Variants in RAD51B observed in about 807,000 individuals in gnomAD.
RAD51B encodes DNA repair protein RAD51 homolog 2.
A neutral mutation model predicts 42.2 loss-of-function variants in RAD51B; 38 were observed. The ratio of observed to expected loss-of-function variants is 0.90; its 90% confidence interval spans 0.70 to 1.18. RAD51B has a LOEUF of 1.18. Among genes scored for constraint, RAD51B ranks in the 50% most tolerant of loss-of-function variants. The pLI is 0.00. For synonymous variants in RAD51B, 154 were observed against 145.2 expected (o/e 1.06, Z -0.43); for missense variants, 373 against 400.7 (o/e 0.93, Z 0.59).
At chr14:67,826,849 C>T (rs770308425) in intron 3 of RAD51B, among the ~76,000 whole-genome samples, 19 of 151,906 alleles carry the variant, frequency 1.3e-4, no homozygotes, top group Admixed American at 1.3e-4. Context: ...TGCCCAACTA[C>T]GTTTTGTGTT....
At chr14:68,654,946 C>A (rs55767067) in intron 11 of RAD51B, among the ~76,000 whole-genome samples, 3 of 152,068 alleles carry the variant, frequency 2.0e-5, no homozygotes, top group Non-Finnish European at 4.4e-5. Context: ...CTCCCTCCCC[C>A]CCTGCCTTCC....
At chr14:68,680,808 C>T (rs959615337) in intron 11 of RAD51B, among the ~76,000 whole-genome samples, 9 of 152,024 alleles carry the variant, frequency 5.9e-5, no homozygotes, top group African/African-American at 1.9e-4. Flanking sequence ...GATACCTGAG[C>T]GTCGCAGTAA....
chr14:68,541,223 CCT>C (rs1887950346), intron 10 of RAD51B: 1 of 985,394 alleles, frequency 1.0e-6, no homozygotes, highest in East Asian at 1.1e-4. Flanking sequence ...CGTTCGGGCT[CCT>C]CTTTTCTTGA....
chr14:68,549,945 G>T (rs1888446374), intron 10 of RAD51B, among the ~76,000 whole-genome samples: 1 of 152,148 alleles, frequency 6.6e-6, no homozygotes, highest in Non-Finnish European at 1.5e-5. Flanking sequence ...AAGTTTTCCA[G>T]CTGTCCCCCA....
intron 7 of RAD51B, among the ~76,000 whole-genome samples, chr14:67,927,146 C>T (rs1323860679): frequency 6.6e-6 from 1 of 152,148 alleles, no homozygotes; most frequent in Non-Finnish European, 1.5e-5. Context: ...ATAAGATATA[C>T]TGTTGACTTT....
chr14:67,942,129 C>T (rs1046614682), intron 7 of RAD51B, among the ~76,000 whole-genome samples: 4 of 152,124 alleles, frequency 2.6e-5, no homozygotes, highest in African/African-American at 9.7e-5. Context: ...AATAAAGTCT[C>T]TCATATAATT....
intron 7 of RAD51B, among the ~76,000 whole-genome samples, chr14:68,192,600 A>C (rs918659954): frequency 6.6e-6 from 1 of 152,176 alleles, no homozygotes; most frequent in East Asian, 1.9e-4. Flanking sequence ...AGACTTTCCT[A>C]TCCAGAATTC....
Position 68,486,316 on chromosome 14 carries a change from G to C in RAD51B, c.1036+18066G>C, listed in dbSNP as rs1883618344. On this transcript the variant is annotated intron_variant, in intron 10 of 10. Coordinates refer to the RAD51B transcript ENST00000487270. ...TGGGGTTCTAGTCAGTTCCTCCAGA[G>C]CACCTCCAGATCCCTGCCCATTCTA... Among the ~76,000 whole-genome samples the C allele has an allele frequency of 2.6e-5, 4 of 152,160 alleles. No individual in the cohort carries two copies. The South Asian group carries it at 8.3e-4, about 32-fold the overall frequency.
chr14:68,610,843 A>ATGTGTGTGTGTGTGTGTG (rs60173412), intron 10 of RAD51B, among the ~76,000 whole-genome samples: 43 of 144,994 alleles, frequency 3.0e-4, no homozygotes, highest in South Asian at 2.3e-3. Context: ...CTGAATGTAT[A>ATGTGTGTGTGTGTGTGTG]TGTGTGTGTG....
chr14:68,410,467 G>A (rs2084386899), intron 8 of RAD51B, among the ~76,000 whole-genome samples: 1 of 152,182 alleles, frequency 6.6e-6, no homozygotes, highest in Non-Finnish European at 1.5e-5. Flanking sequence ...CGCATCTGGA[G>A]GCAACAAGGC....
intron 10 of RAD51B, chr14:68,563,930 A>T (rs1458007529): frequency 3.1e-6 from 3 of 982,966 alleles, no homozygotes; most frequent in South Asian, 9.4e-5. Flanking sequence ...TAAAAATAAT[A>T]TTGGCCCTGA....
intron 7 of RAD51B, among the ~76,000 whole-genome samples, chr14:67,948,876 G>T (rs920125283): frequency 2.2e-5 from 3 of 136,298 alleles, no homozygotes; most frequent in African/African-American, 8.4e-5. Flanking sequence ...AGCTTGCAGT[G>T]AGCTGAGATC....
At chr14:68,430,472 G>T (rs1210789642) in intron 9 of RAD51B, among the ~76,000 whole-genome samples, 11 of 152,036 alleles carry the variant, frequency 7.2e-5, no homozygotes, top group South Asian at 4.2e-4. Context: ...ACATCCCTTG[G>T]AAGTTGGATT....
chr14:68,200,499 G>A (rs891674172), intron 7 of RAD51B, among the ~76,000 whole-genome samples: 1 of 152,124 alleles, frequency 6.6e-6, no homozygotes, highest in African/African-American at 2.4e-5. Flanking sequence ...AAATGCTGAG[G>A]AATATAATTT....
chr14:68,356,171 G>A lies in RAD51B; in HGVS notation c.854-55253G>A, dbSNP rs185785980. ...ATGTTGGCCGGGCGCGGTGGCTCAC[G>A]CCTGTAATCCCAGCACTTTGGGAGG... is the stretch of plus-strand genomic sequence containing the variant. On this transcript the variant is annotated intron_variant, in intron 8 of 10. Transcript: ENST00000471583. Among the ~76,000 whole-genome samples, 151 of 152,262 alleles carry A rather than the reference G, an allele frequency of 9.9e-4. 3 individuals carry two copies. The highest frequency in any genetic ancestry group is 7.1e-3 in the Admixed American group (109 of 15,300).
chr14:67,865,062 T>A lies in RAD51B; in HGVS notation c.375T>A (p.Ala125=), dbSNP rs543350867. The A allele has an allele frequency of 1.3e-6, 2 of 1,510,354 alleles. No homozygotes were observed. Among genetic ancestry groups the A allele is most frequent in the East Asian group, 2.7e-5 (1 of 36,884 alleles). 93.6% of individuals were successfully genotyped at this position (1,510,354 alleles called of 1,614,324 possible). The change falls in exon 5 of 11, where the codon GCT becomes GCA. Residue 125 remains alanine, a synonymous_variant. Transcript: ENST00000471583. ...TQFCIMMSIL[A]TLPTNMGGLE... ...TTTGTATAATGATGAGCATTTTGGC[T>A]ACATTACCCACCAACATGGGAGGAT...
intron 7 of RAD51B, among the ~76,000 whole-genome samples, chr14:68,145,716 A>G (rs947776661): frequency 4.6e-5 from 7 of 152,344 alleles, no homozygotes; most frequent in African/African-American, 9.6e-5. Context: ...ATTGTGATTC[A>G]TACATTTCCC....
chr14:68,504,651 TTTTTTTCTTTC>T (rs1163351397), intron 10 of RAD51B, among the ~76,000 whole-genome samples: 8 of 142,292 alleles, frequency 5.6e-5, no homozygotes, highest in African/African-American at 1.8e-4. Flanking sequence ...AGTAATCCTT[TTTTTTTCTTTC>T]TTTTTTTTTT....
chr14:68,438,498 G>T (rs1321330831), intron 9 of RAD51B, among the ~76,000 whole-genome samples: 1 of 152,138 alleles, frequency 6.6e-6, no homozygotes, highest in East Asian at 1.9e-4. Flanking sequence ...GACAGTGTAT[G>T]GCTGCTTCCA....
Sources: gnomAD v4.1 joint callset for allele counts (sites outside exome capture counted in the v4.1 genomes callset) on GRCh38, gnomAD v4.1.1 for gene constraint, MANE v1.5 for transcripts, NCBI Gene and HGNC (gene_info 2026-07-23, HGNC 2026-07-21) for gene names.